LARGE1: variants seen among roughly 807,000 people sequenced by gnomAD.
The protein encoded by LARGE1 is xylosyl- and glucuronyltransferase LARGE1.
Under a neutral mutation model 87.6 loss-of-function variants are expected in LARGE1, and 43 were observed. That is an observed-to-expected ratio of 0.49 (90% CI 0.38 to 0.63). The LOEUF (loss-of-function observed/expected upper bound fraction) is 0.63, where lower values mean the gene tolerates loss of function less well. Ranked by LOEUF, LARGE1 falls within the 30% of genes least tolerant of loss-of-function variation. The pLI, the probability that LARGE1 is intolerant of heterozygous loss-of-function variation, is 0.00. For missense variants in LARGE1, 802 were observed against 1,000.2 expected, an observed-to-expected ratio of 0.80 and a Z score of 2.67; for synonymous variants, 434 against 394.6, an observed-to-expected ratio of 1.10 and a Z score of -1.18.
At chr22:33,293,763 A>G (rs1231194073) in intron 12 of LARGE1, among the ~76,000 whole-genome samples, 1 of 152,176 alleles carries the variant, frequency 6.6e-6, no homozygotes, top group Non-Finnish European at 1.5e-5. Flanking sequence ...GATTGGGAAC[A>G]TGTGTACTGA....
chr22:33,277,319 G>T (rs952516133), intron 13 of LARGE1, 64 bp from the exon 14 acceptor site: 2 of 1,468,052 alleles, frequency 1.4e-6, no homozygotes, highest in Non-Finnish European at 9.4e-7. Context: ...AAATGCAGCC[G>T]ATGTGGAGGA....
intron 4 of LARGE1, among the ~76,000 whole-genome samples, chr22:33,626,018 A>G (rs2079909841): frequency 1.3e-5 from 2 of 152,236 alleles, no homozygotes; most frequent in Non-Finnish European, 2.9e-5. Flanking sequence ...TTAAGATTGC[A>G]TTAGGTCTGA....
At chr22:33,342,998 C>T (rs1601524845) in intron 9 of LARGE1, among the ~76,000 whole-genome samples, 1 of 152,114 alleles carries the variant, frequency 6.6e-6, no homozygotes. Context: ...TAGTTTGGTA[C>T]AAAAAGTACT....
chr22:33,213,316 G>A (rs749803987), intron 11 of LARGE1, among the ~76,000 whole-genome samples: 17 of 152,218 alleles, frequency 1.1e-4, no homozygotes, highest in Non-Finnish European at 1.9e-4. Context: ...TGAAGCTGCT[G>A]TGAACATTGT....
intron 2 of LARGE1, among the ~76,000 whole-genome samples, chr22:33,702,526 T>TA (rs147292280): frequency 0.018 from 2,683 of 152,312 alleles, 81 homozygotes; most frequent in African/African-American, 0.061. Context: ...AAGAGGGAAT[T>TA]AGACAGTCGA....
chr22:33,878,125 A>ATTTATTTTTTTTTTTTTTTTT (rs1601836110), intron 1 of LARGE1, among the ~76,000 whole-genome samples: 1 of 51,254 alleles, frequency 2.0e-5, no homozygotes. Flanking sequence ...TTTATATTGT[A>ATTTATTTTTTTTTTTTTTTTT]TTTCTTTTTT....
intron 6 of LARGE1, among the ~76,000 whole-genome samples, chr22:33,514,925 A>G (rs2071229021): frequency 6.6e-6 from 1 of 152,208 alleles, no homozygotes; most frequent in African/African-American, 2.4e-5. Flanking sequence ...AACACACAGC[A>G]CTGTGTGAAC....
intron 5 of LARGE1, among the ~76,000 whole-genome samples, chr22:33,592,827 T>C (rs1441741047): frequency 7.0e-6 from 1 of 143,386 alleles, no homozygotes; most frequent in Non-Finnish European, 1.5e-5. Context: ...TTTTTCTGTT[T>C]TTGTTTGTTT....
intron 6 of LARGE1, among the ~76,000 whole-genome samples, chr22:33,487,802 T>C (rs1467205161): frequency 6.6e-6 from 1 of 152,168 alleles, no homozygotes; most frequent in African/African-American, 2.4e-5. Flanking sequence ...GCAAGACCTC[T>C]TGGGCACTTG....
chr22:33,621,770 A>G (rs949841237), intron 4 of LARGE1, among the ~76,000 whole-genome samples: 2 of 152,190 alleles, frequency 1.3e-5, no homozygotes, highest in African/African-American at 2.4e-5. Context: ...TCCCATTTGT[A>G]TAATTTCAGG....
chr22:33,400,052 C>T (rs542714362), intron 7 of LARGE1, among the ~76,000 whole-genome samples: 73 of 152,362 alleles, frequency 4.8e-4, no homozygotes, highest in African/African-American at 1.7e-3. Flanking sequence ...GTTGTCTCTT[C>T]TCTCGCTCAG....
At chr22:33,760,910 C>T (rs1004541786) in intron 2 of LARGE1, among the ~76,000 whole-genome samples, 3 of 152,204 alleles carry the variant, frequency 2.0e-5, no homozygotes, top group Non-Finnish European at 4.4e-5. Context: ...CAGAGCGAGA[C>T]TCCGTCTCAA....
chr22:33,760,413 C>T (rs979424200), intron 2 of LARGE1, among the ~76,000 whole-genome samples: 2 of 152,102 alleles, frequency 1.3e-5, no homozygotes, highest in Non-Finnish European at 2.9e-5. Context: ...TCCCTGCGCT[C>T]GGCCCCTCAT....
chr22:33,186,310 G>A (rs1923472591), intron 11 of LARGE1, among the ~76,000 whole-genome samples: 1 of 152,098 alleles, frequency 6.6e-6, no homozygotes, highest in East Asian at 1.9e-4. Context: ...CGTAAAAAAG[G>A]TGATAAATCA....
chr22:33,416,588 G>T (rs1319560215), intron 7 of LARGE1, among the ~76,000 whole-genome samples: 2 of 151,986 alleles, frequency 1.3e-5, no homozygotes, highest in Non-Finnish European at 2.9e-5. Flanking sequence ...GGTGCAAGTA[G>T]ACACCCATTT....
At chr22:33,500,928 T>C (rs929843276) in intron 6 of LARGE1, among the ~76,000 whole-genome samples, 2 of 152,286 alleles carry the variant, frequency 1.3e-5, no homozygotes, top group Non-Finnish European at 2.9e-5. Context: ...ACTCCCAGCA[T>C]AGGTGCTAGC....
chr22:33,616,245 G>A (rs1264975543), intron 4 of LARGE1, among the ~76,000 whole-genome samples: 1 of 152,186 alleles, frequency 6.6e-6, no homozygotes, highest in East Asian at 1.9e-4. Flanking sequence ...TGTGGCTCAT[G>A]CCTGTAATCC....
intron 2 of LARGE1, among the ~76,000 whole-genome samples, chr22:33,718,264 G>A (rs1372089944): frequency 4.6e-5 from 7 of 152,142 alleles, no homozygotes; most frequent in African/African-American, 7.2e-5. Context: ...GAGAACCCCC[G>A]GCTAAGTGTG....
At chr22:33,123,432 G>A in the LARGE1 span, among the ~76,000 whole-genome samples, 60 of 152,198 alleles carry the variant, frequency 3.9e-4, no homozygotes, top group African/African-American at 9.2e-4. Flanking sequence ...AAGACATCCC[G>A]GTGGCAAGGC....
Sources: gnomAD v4.1 joint callset for allele counts (sites outside exome capture counted in the v4.1 genomes callset) on GRCh38, gnomAD v4.1.1 for gene constraint, MANE v1.5 for transcripts, NCBI Gene and HGNC (gene_info 2026-07-23, HGNC 2026-07-21) for gene names.